SLC25A19: variants seen among roughly 807,000 people sequenced by gnomAD.
SLC25A19 encodes the protein mitochondrial thiamine pyrophosphate carrier.
A neutral mutation model predicts 27.9 loss-of-function variants in SLC25A19; 18 were observed. The ratio of observed to expected loss-of-function variants is 0.64; its 90% CI spans 0.45 to 0.96. The LOEUF (loss-of-function observed/expected upper bound fraction) is 0.96, where lower values mean the gene tolerates loss of function less well. Ranked by LOEUF, SLC25A19 falls within the 40% of genes least tolerant of loss-of-function variation. SLC25A19 has a pLI of 0.00. For synonymous variants in SLC25A19, 169 were observed against 167.1 expected (o/e 1.01, Z -0.09); for missense variants, 371 against 418.3 (o/e 0.89, Z 0.99).
intron 2 of SLC25A19, among the ~76,000 whole-genome samples, chr17:75,287,890 T>C (rs545425400): frequency 2.0e-5 from 3 of 152,286 alleles, no homozygotes; most frequent in Non-Finnish European, 4.4e-5. Flanking sequence ...ACGCCTGTAA[T>C]CCCAGCACTT....
At chr17:75,289,048 G>C (rs988760659) in intron 1 of SLC25A19, 1 of 152,264 alleles carries the variant, frequency 6.6e-6, no homozygotes, top group Non-Finnish European at 1.5e-5. Context: ...TGTGCCCAAG[G>C]GCTCAGCTGA....
rs773229827 is a variant in SLC25A19, at chr17:75,283,455, G to A, written c.427C>T (p.Arg143Cys). ...TLTVHPVDVL[R>C]TRFAAQGEPK... Reference sequence around the variant, plus strand: ...TCACCCTGAGCTGCAAAGCGGGTGCGCAGAACATCCACGGGGTGCACAGTG... The same window carrying A: ...TCACCCTGAGCTGCAAAGCGGGTGCACAGAACATCCACGGGGTGCACAGTG... Residue 143 changes from arginine to cysteine, a missense_variant, in exon 5 of 8, where the codon CGC becomes TGC. Physicochemically the swap from Arg to Cys is radical, Grantham distance 180. Transcript: ENST00000416858. The A allele has an allele frequency of 9.9e-6, 16 of 1,612,298 alleles. No homozygotes were observed. Among genetic ancestry groups the A allele is most frequent in the African/African-American group, 1.3e-5 (1 of 74,892 alleles).
chr17:75,280,810 G>C (rs149189593), intron 5 of SLC25A19, among the ~76,000 whole-genome samples: 3 of 151,832 alleles, frequency 2.0e-5, no homozygotes, highest in Non-Finnish European at 4.4e-5. Flanking sequence ...GCATGGTAGC[G>C]GACCTGTAGT....
chr17:75,277,607 A>G lies in SLC25A19; in HGVS notation c.644-124T>C. The G allele has an allele frequency of 2.7e-6, 3 of 1,104,026 alleles. No homozygotes were observed. The South Asian group carries it at 3.8e-5, about 14-fold the overall frequency. 68.4% of individuals were successfully genotyped at this position (1,104,026 alleles called of 1,614,324 possible). A position where few individuals can be genotyped will look rare whatever the true frequency, so the allele number is the denominator to read the frequency against. Reference sequence around the variant, plus strand: ...AACCCCACAAGCGCACTTCTATCTGACCTCCACTGGTCCTCCCATTCCAAA... The same window carrying G: ...AACCCCACAAGCGCACTTCTATCTGGCCTCCACTGGTCCTCCCATTCCAAA... On this transcript the variant is annotated intron_variant, in intron 6 of 7. Coordinates refer to ENST00000416858, the MANE Select transcript of SLC25A19 (RefSeq NM_001126121.2).
chr17:75,284,200 G>A (rs1211781195), intron 4 of SLC25A19, among the ~76,000 whole-genome samples: 1 of 150,526 alleles, frequency 6.6e-6, no homozygotes, highest in African/African-American at 2.5e-5. Flanking sequence ...GTCAGGAGTT[G>A]GAGACCAGCC....
In SLC25A19 at chr17:75,273,255, C is replaced by G; in HGVS notation, c.*196G>C. ...TCGTTGGCTCACCATAGACCACGTC[C>G]TGCATTCCCTCTGATTCTCTCATGG... On this transcript the variant is annotated 3_prime_UTR_variant, in exon 8 of 8. Transcript: ENST00000416858. 1 of 612,364 alleles carries G rather than the reference C, an allele frequency of 1.6e-6. No homozygotes were observed. Among genetic ancestry groups the G allele is most frequent in the Non-Finnish European group, 2.9e-6 (1 of 347,786 alleles). The allele number at this position is 612,364 out of a possible 1,614,324, so 37.9% of individuals were successfully genotyped here. A position where few individuals can be genotyped will look rare whatever the true frequency, so the allele number is the denominator to read the frequency against.
At chr17:75,274,356 C>T (rs978286081) in intron 7 of SLC25A19, among the ~76,000 whole-genome samples, 3 of 152,188 alleles carry the variant, frequency 2.0e-5, no homozygotes, top group African/African-American at 7.2e-5. Context: ...ACCTCACACA[C>T]TGCTGCCAGA....
intron 7 of SLC25A19, 142 bp downstream of exon 7, chr17:75,277,211 A>T: frequency 9.4e-7 from 1 of 1,059,704 alleles, no homozygotes; most frequent in Non-Finnish European, 1.4e-6. Context: ...CCACATGCTT[A>T]GGGATCTCAA....
intron 4 of SLC25A19, among the ~76,000 whole-genome samples, chr17:75,285,120 G>A (rs189319878): frequency 6.0e-5 from 9 of 150,964 alleles, no homozygotes; most frequent in African/African-American, 2.0e-4. Flanking sequence ...ATTTTTAGTA[G>A]AGAGGAGGTC....
chr17:75,286,960 G>A (rs1446516584), intron 2 of SLC25A19, 158 bp from the exon 3 acceptor site: 30 of 670,124 alleles, frequency 4.5e-5, no homozygotes, highest in Middle Eastern at 4.3e-4. Flanking sequence ...CAGCACTTTC[G>A]GAGGCCGAGG....
intron 2 of SLC25A19, among the ~76,000 whole-genome samples, chr17:75,287,856 G>A (rs556844337): frequency 8.8e-4 from 134 of 152,280 alleles, no homozygotes; most frequent in African/African-American, 3.1e-3. Flanking sequence ...AGCAAATGAT[G>A]CTCCTGGCCA....
Position 75,283,486 on chromosome 17 carries a change from G to C in SLC25A19, c.396C>G (p.Ala132=). 1 of 1,613,284 alleles carries C rather than the reference G, an allele frequency of 6.2e-7. No individual in the cohort carries two copies. The highest frequency in any genetic ancestry group is 8.5e-7 in the Non-Finnish European group (1 of 1,179,870). ...FVCGGLAACM[A]TLTVHPVDVL... ...CATCCACGGGGTGCACAGTGAGGGT[G>C]GCCATACAGGCAGCCAGGCCACCAC... Residue 132 remains alanine (A), a synonymous_variant, in exon 5 of 8, where the codon GCC becomes GCG. Transcript: ENST00000416858.
chr17:75,279,787 G>A (rs918024782), intron 5 of SLC25A19, among the ~76,000 whole-genome samples: 5 of 152,262 alleles, frequency 3.3e-5, no homozygotes, highest in South Asian at 2.1e-4. Flanking sequence ...GATTACAGGC[G>A]AGAGCCATCG....
rs141604730 is a variant in SLC25A19 at position 75,278,133 on chromosome 17, C to T, written c.643+19G>A. The T allele has an allele frequency of 1.3e-4, 202 of 1,612,142 alleles. 2 individuals carry two copies. In the East Asian group the frequency reaches 3.8e-3, roughly 30 times the overall value. On this transcript the variant is annotated intron_variant, in intron 6 of 7. Coordinates refer to ENST00000416858, the MANE Select transcript of SLC25A19 (RefSeq NM_001126121.2). ...TGGCTGGGGTGGGAGGGCTCCCTCT[C>T]GTGTGAGGGCTGCCTCACCATTTTT... is the stretch of plus-strand genomic sequence containing the variant.
At chr17:75,286,865 A>C (rs1598198851) in intron 2 of SLC25A19, 63 bp from the exon 3 acceptor site, 1 of 1,479,734 alleles carries the variant, frequency 6.8e-7, no homozygotes, top group Non-Finnish European at 9.3e-7. Flanking sequence ...CTCAAATATC[A>C]CCTCCTCAGA....
At position 75,286,378 on chromosome 17, in the gene SLC25A19, C is replaced by G; in HGVS notation, c.214G>C (p.Glu72Gln). 1 of 1,614,194 alleles carries G rather than the reference C, an allele frequency of 6.2e-7. No individual in the cohort carries two copies. Among genetic ancestry groups the G allele is most frequent in the Non-Finnish European group, 8.5e-7 (1 of 1,180,046 alleles). ...ILQASRQILQEEGPTAFWKGH... is the reference protein window; with the variant it reads ...ILQASRQILQQEGPTAFWKGH... ...TTCCAGAAAGCTGTCGGACCCTCCTCCTGCAGAATCTGCCTAGAGGCCTGG... is the reference window on the plus strand; with the variant it reads ...TTCCAGAAAGCTGTCGGACCCTCCTGCTGCAGAATCTGCCTAGAGGCCTGG... The change falls in exon 4 of 8, where the codon GAG (glutamate) becomes CAG (glutamine). Residue 72 changes from glutamate to glutamine, a missense_variant. Coordinates refer to ENST00000416858, the MANE Select transcript of SLC25A19 (RefSeq NM_001126121.2).
intron 4 of SLC25A19, among the ~76,000 whole-genome samples, chr17:75,285,680 C>G (rs1047864884): frequency 5.3e-5 from 8 of 152,226 alleles, no homozygotes; most frequent in African/African-American, 1.9e-4. Flanking sequence ...TCTTCTCATG[C>G]ATGACATGGG....
In SLC25A19 at chr17:75,273,493, A is replaced by G. The variant is rs749098671; in HGVS notation, c.921T>C (p.Cys307=). The part of the protein sequence containing the change: ...GFMFFSYEFF[C]NVFHCMNRTA... ...TCCTGTTCATGCAGTGGAAGACATTACAGAAGAATTCATACGAGAAGAACA... is the reference window on the plus strand; with the variant it reads ...TCCTGTTCATGCAGTGGAAGACATTGCAGAAGAATTCATACGAGAAGAACA... Residue 307 remains cysteine (C), a synonymous_variant, in exon 8 of 8, where the codon TGT becomes TGC. Coordinates refer to ENST00000416858, the MANE Select transcript of SLC25A19 (RefSeq NM_001126121.2). 3 of 1,614,128 alleles carry G rather than the reference A, an allele frequency of 1.9e-6. No individual in the cohort carries two copies. In the Admixed American group the frequency reaches 5.0e-5, roughly 27 times the overall value.
chr17:75,277,624 C>A, intron 6 of SLC25A19, 141 bp from the exon 7 acceptor site: 1 of 972,960 alleles, frequency 1.0e-6, no homozygotes, highest in East Asian at 2.6e-5. Flanking sequence ...CTGGTCCTCC[C>A]ATTCCAAAAA....
Sources: allele counts gnomAD v4.1 joint callset (sites outside exome capture counted in the v4.1 genomes callset), GRCh38; gene constraint gnomAD v4.1.1; transcripts MANE v1.5; gene names NCBI Gene and HGNC (gene_info 2026-07-23, HGNC 2026-07-21).